SUSD4: variants seen among roughly 807,000 people sequenced by gnomAD.
The protein encoded by SUSD4 is sushi domain-containing protein 4.
In SUSD4, 41 loss-of-function variants were observed where a neutral mutation model predicts 50.5. That is an observed-to-expected ratio of 0.81 (90% CI 0.63 to 1.05). The LOEUF (loss-of-function observed/expected upper bound fraction) is 1.05. SUSD4 is among the 50% of genes least tolerant of loss of function. The pLI, the probability that SUSD4 is intolerant of heterozygous loss-of-function variation, is 0.00. For missense variants in SUSD4, 580 were observed against 634.7 expected, an observed-to-expected ratio of 0.91 and a Z score of 0.93; for synonymous variants, 257 against 257.3, an observed-to-expected ratio of 1.00 and a Z score of 0.01.
intron 2 of SUSD4, among the ~76,000 whole-genome samples, chr1:223,315,613 T>G (rs1407688447): frequency 6.6e-6 from 1 of 152,242 alleles, no homozygotes; most frequent in Non-Finnish European, 1.5e-5. Context: ...ACAGCTGGCC[T>G]TCTGACTATT....
chr1:223,358,851 A>G (rs189790005), intron 2 of SUSD4: 11 of 260,282 alleles, frequency 4.2e-5, no homozygotes, highest in Admixed American at 3.9e-4. Flanking sequence ...GATTAAGCGC[A>G]GTTTGAAATT....
intron 2 of SUSD4, among the ~76,000 whole-genome samples, chr1:223,333,144 C>T (rs967179846): frequency 6.6e-6 from 1 of 151,930 alleles, no homozygotes; most frequent in African/African-American, 2.4e-5. Flanking sequence ...TCCCCCGTTA[C>T]GGTGACGGCA....
intron 2 of SUSD4, among the ~76,000 whole-genome samples, chr1:223,323,897 C>T (rs931068476): frequency 8.6e-5 from 13 of 151,738 alleles, no homozygotes; most frequent in African/African-American, 3.2e-4. Flanking sequence ...AAAGTCTGAA[C>T]CTGGAATCAA....
intron 3 of SUSD4, among the ~76,000 whole-genome samples, chr1:223,284,207 G>A (rs1347007429): frequency 1.3e-5 from 2 of 152,160 alleles, no homozygotes; most frequent in Non-Finnish European, 2.9e-5. Context: ...TTGCGCACAT[G>A]TACCCTAGAA....
chr1:223,280,180 A>G (rs1049841201), intron 3 of SUSD4, among the ~76,000 whole-genome samples: 1 of 152,208 alleles, frequency 6.6e-6, no homozygotes, highest in African/African-American at 2.4e-5. Flanking sequence ...TGCATCAACT[A>G]ATGAGCAAAA....
intron 2 of SUSD4, among the ~76,000 whole-genome samples, chr1:223,361,162 T>C (rs1194158989): frequency 6.6e-6 from 1 of 152,212 alleles, no homozygotes. Flanking sequence ...CTAAGGTGTA[T>C]TTGCTTTTAT....
In SUSD4 at chr1:223,239,083, T is replaced by A. The variant is rs552721820; in HGVS notation, c.725-9695A>T. Among the ~76,000 whole-genome samples, 333 of 152,206 alleles carry A rather than the reference T, an allele frequency of 2.2e-3. 1 individual carries two copies. The highest frequency in any genetic ancestry group is 3.6e-3 in the Non-Finnish European group (245 of 67,912). ...TGACCCCTTTGTTTCTATGTAATGC[T>A]CTTCTTTATCATTGATAACTTTCCT... On this transcript the variant is annotated intron_variant, in intron 5 of 8. Coordinates refer to ENST00000366878, the MANE Select transcript of SUSD4 (RefSeq NM_017982.4).
chr1:223,348,939 C>A (rs547665212), intron 2 of SUSD4, among the ~76,000 whole-genome samples: 1 of 152,046 alleles, frequency 6.6e-6, no homozygotes, highest in South Asian at 2.1e-4. Context: ...TCAGAGACCT[C>A]CAGGAGCTGG....
chr1:223,295,323 G>A (rs571785819), intron 2 of SUSD4, among the ~76,000 whole-genome samples: 3 of 152,324 alleles, frequency 2.0e-5, no homozygotes, highest in South Asian at 4.1e-4. Context: ...TAGAAGCACA[G>A]ATATCCAGAG....
chr1:223,338,050 C>A (rs779716422), intron 2 of SUSD4, among the ~76,000 whole-genome samples: 6 of 152,176 alleles, frequency 3.9e-5, no homozygotes, highest in Non-Finnish European at 7.3e-5. Context: ...ACAGATCTGC[C>A]AGGCTAATGC....
intron 4 of SUSD4, among the ~76,000 whole-genome samples, chr1:223,265,542 T>C (rs894837055): frequency 6.6e-6 from 1 of 152,216 alleles, no homozygotes; most frequent in Non-Finnish European, 1.5e-5. Flanking sequence ...CTGCTGCTGC[T>C]GCTGCTGCCA....
At chr1:223,278,843 C>T (rs534223062) in intron 3 of SUSD4, among the ~76,000 whole-genome samples, 9 of 152,220 alleles carry the variant, frequency 5.9e-5, no homozygotes, top group Admixed American at 1.3e-4. Flanking sequence ...ACACCTCACA[C>T]GGCTGGGTAC....
At chr1:223,281,768 T>A (rs1399195046) in intron 3 of SUSD4, among the ~76,000 whole-genome samples, 2 of 152,104 alleles carry the variant, frequency 1.3e-5, no homozygotes, top group Non-Finnish European at 2.9e-5. Flanking sequence ...TACCAAAGCC[T>A]GGCAGAGACA....
At chr1:223,223,996 C>A (rs1480162795) in intron 7 of SUSD4, among the ~76,000 whole-genome samples, 1 of 152,214 alleles carries the variant, frequency 6.6e-6, no homozygotes, top group Admixed American at 6.5e-5. Context: ...CAGAGCAGCC[C>A]AGTGCACCTC....
chr1:223,281,616 A>G (rs972858168), intron 3 of SUSD4, among the ~76,000 whole-genome samples: 2 of 152,210 alleles, frequency 1.3e-5, no homozygotes, highest in Non-Finnish European at 2.9e-5. Context: ...AACCAAAAAG[A>G]GTTCAGGGCC....
chr1:223,244,108 A>T (rs1660764346), intron 5 of SUSD4, among the ~76,000 whole-genome samples: 1 of 152,232 alleles, frequency 6.6e-6, no homozygotes, highest in Non-Finnish European at 1.5e-5. Context: ...TTAATAGCAC[A>T]ATCTCACACA....
At chr1:223,296,604 C>T (rs1161606448) in intron 2 of SUSD4, among the ~76,000 whole-genome samples, 1 of 152,132 alleles carries the variant, frequency 6.6e-6, no homozygotes, top group Non-Finnish European at 1.5e-5. Context: ...ATAAGGGACA[C>T]CCAGAAAGGA....
At chr1:223,321,162 A>G (rs1572056291) in intron 2 of SUSD4, among the ~76,000 whole-genome samples, 2 of 152,138 alleles carry the variant, frequency 1.3e-5, no homozygotes, top group Admixed American at 6.5e-5. Flanking sequence ...AAACGCTGAC[A>G]CTGCACAGCC....
chr1:223,252,624 T>C (rs1034572295), intron 5 of SUSD4, among the ~76,000 whole-genome samples: 10 of 152,310 alleles, frequency 6.6e-5, no homozygotes, highest in South Asian at 4.1e-4. Context: ...AATATACTTA[T>C]AGTATGAAAA....
Sources: gnomAD v4.1 joint callset for allele counts (sites outside exome capture counted in the v4.1 genomes callset) on GRCh38, gnomAD v4.1.1 for gene constraint, MANE v1.5 for transcripts, NCBI Gene and HGNC (gene_info 2026-07-23, HGNC 2026-07-21) for gene names.